The following ARHGEF7 variants were observed in gnomAD, a reference collection of about 807,000 sequenced individuals.
The protein encoded by ARHGEF7 is PAK-interacting exchange factor beta.
In ARHGEF7, 33 loss-of-function variants were observed where a neutral mutation model predicts 109.8. The observed-to-expected ratio is 0.30, with a 90% CI of 0.23 to 0.40. The LOEUF (loss-of-function observed/expected upper bound fraction) is 0.40. ARHGEF7 is among the 10% of genes least tolerant of loss of function. The pLI, the probability that ARHGEF7 is intolerant of heterozygous loss-of-function variation, is 1.00. For synonymous variants in ARHGEF7, 458 were observed against 424.6 expected (o/e 1.08, Z -0.97); for missense variants, 938 against 1,098.5 (o/e 0.85, Z 2.07).
At chr13:111,120,927 C>G (rs895828786) in intron 1 of ARHGEF7, among the ~76,000 whole-genome samples, 2 of 152,206 alleles carry the variant, frequency 1.3e-5, no homozygotes, top group African/African-American at 4.8e-5. Flanking sequence ...TCATGGAAAA[C>G]AAGACTGATT....
chr13:111,170,396 C>G (rs781517540), intron 2 of ARHGEF7, among the ~76,000 whole-genome samples: 1 of 152,236 alleles, frequency 6.6e-6, no homozygotes, highest in South Asian at 2.1e-4. Flanking sequence ...CCGTGCCTGG[C>G]GCAGTTAGTC....
chr13:111,241,790 G>A (rs538231202), intron 6 of ARHGEF7, among the ~76,000 whole-genome samples: 1 of 152,298 alleles, frequency 6.6e-6, no homozygotes, highest in East Asian at 1.9e-4. Context: ...GGTGTGCAGT[G>A]AGCAGTATTG....
intron 13 of ARHGEF7, 145 bp from the exon 14 acceptor site, chr13:111,280,127 C>T (rs979950004): frequency 8.0e-6 from 6 of 753,138 alleles, no homozygotes; most frequent in Non-Finnish European, 1.3e-5. Context: ...ATTATACACA[C>T]ATCTGCTACA....
At chr13:111,221,689 A>C in intron 5 of ARHGEF7, among the ~76,000 whole-genome samples, 1 of 124,984 alleles carries the variant, frequency 8.0e-6, no homozygotes, top group Admixed American at 8.7e-5. Flanking sequence ...CCCTTAATAA[A>C]CCCCTTGATA....
chr13:111,204,386 T>C (rs1566810144), intron 2 of ARHGEF7, among the ~76,000 whole-genome samples: 1 of 152,202 alleles, frequency 6.6e-6, no homozygotes, highest in Non-Finnish European at 1.5e-5. Flanking sequence ...CTGAAAGAAT[T>C]TTTTTCTTAA....
At chr13:111,161,670 A>G (rs1461372880) in intron 2 of ARHGEF7, among the ~76,000 whole-genome samples, 1 of 152,212 alleles carries the variant, frequency 6.6e-6, no homozygotes, top group African/African-American at 2.4e-5. Context: ...GCTATGTAAG[A>G]AGAAAATGAA....
chr13:111,290,777 C>T (rs2093248252), intron 18 of ARHGEF7, among the ~76,000 whole-genome samples: 1 of 152,172 alleles, frequency 6.6e-6, no homozygotes, highest in South Asian at 2.1e-4. Context: ...CACTCTGGGG[C>T]TTCAGGGAGC....
chr13:111,276,549 A>G (rs966258266), intron 12 of ARHGEF7, among the ~76,000 whole-genome samples: 4 of 152,204 alleles, frequency 2.6e-5, no homozygotes, highest in African/African-American at 4.8e-5. Context: ...GTTCTTTATA[A>G]TATTAGATCT....
In ARHGEF7 at chr13:111,300,925, G is replaced by T. The variant is rs1037967759; in HGVS notation, c.2411+78G>T. On this transcript the variant is annotated intron_variant, in intron 20 of 21. Transcript: ENST00000646102. ...AGTAGAGTCCAGACAACTCCCTGAG[G>T]GCGGGGGTATGGCTTCAGAAGCTTC... is the stretch of plus-strand genomic sequence containing the variant. 4 of 866,602 alleles carry T rather than the reference G, an allele frequency of 4.6e-6. No individual in the cohort carries two copies. The South Asian group carries it at 5.7e-5, about 12-fold the overall frequency. 53.7% of individuals were successfully genotyped at this position (866,602 alleles called of 1,614,324 possible). A position where few individuals can be genotyped will look rare whatever the true frequency, so the allele number is the denominator to read the frequency against.
Position 111,283,187 on chromosome 13 carries a change from C to T in ARHGEF7, c.1774C>T (p.Pro592Ser), listed in dbSNP as rs1443609836. The part of the protein sequence containing the change: ...TPSSKHADSK[P>S]APLTPAYHTL... ...GTCCAGCAAGCACGCAGACAGCAAGCCCGCGCCGCTGACGCCCGCCTACCA... is the reference window on the plus strand; with the variant it reads ...GTCCAGCAAGCACGCAGACAGCAAGTCCGCGCCGCTGACGCCCGCCTACCA... The change falls in exon 16 of 22, where the codon CCC (proline) becomes TCC (serine). Residue 592 changes from proline to serine, a missense_variant. Around this residue, in one of 4 missense-constraint regions of ARHGEF7, gnomAD observed 585 missense variants for 723.6 expected, o/e 0.81. Coordinates refer to ENST00000646102, the MANE Select transcript of ARHGEF7 (RefSeq NM_001354046.2). The T allele has an allele frequency of 1.5e-5, 24 of 1,597,332 alleles. No homozygotes were observed. The Admixed American group carries it at 4.0e-4, about 27-fold the overall frequency.
At chr13:111,173,730 T>C (rs932911988) in intron 2 of ARHGEF7, among the ~76,000 whole-genome samples, 2 of 151,968 alleles carry the variant, frequency 1.3e-5, no homozygotes, top group African/African-American at 4.8e-5. Context: ...CTCCCCACAT[T>C]GAATGGAGAT....
At chr13:111,153,659 G>C in intron 1 of ARHGEF7, 1 of 1,227,122 alleles carries the variant, frequency 8.1e-7, no homozygotes, top group Non-Finnish European at 1.0e-6. Flanking sequence ...TTCCGGCGCC[G>C]GGGCTCACTT....
intron 21 of ARHGEF7, among the ~76,000 whole-genome samples, chr13:111,302,596 C>T (rs2093595055): frequency 6.6e-6 from 1 of 152,198 alleles, no homozygotes. Flanking sequence ...GGTGCTCGCC[C>T]ACTTGCTCCT....
At chr13:111,238,160 C>T (rs1595057357) in intron 6 of ARHGEF7, among the ~76,000 whole-genome samples, 2 of 152,184 alleles carry the variant, frequency 1.3e-5, no homozygotes, top group African/African-American at 2.4e-5. Context: ...AGTCTGTTAG[C>T]TGTGCTTAGG....
intron 1 of ARHGEF7, among the ~76,000 whole-genome samples, chr13:111,118,021 T>C (rs1351253536): frequency 6.6e-6 from 1 of 152,278 alleles, no homozygotes; most frequent in Non-Finnish European, 1.5e-5. Context: ...CATGTGGACA[T>C]GACAGGGGCT....
At chr13:111,299,768 C>G (rs144607379) in intron 19 of ARHGEF7, among the ~76,000 whole-genome samples, 1 of 152,114 alleles carries the variant, frequency 6.6e-6, no homozygotes, top group Non-Finnish European at 1.5e-5. Context: ...AAGCAAAAGG[C>G]GGGCCAGAAG....
Position 111,304,104 on chromosome 13 carries a change from C to T in ARHGEF7, c.*991C>T, listed in dbSNP as rs768676820. 2 of 152,258 alleles carry T rather than the reference C, an allele frequency of 1.3e-5. No individual in the cohort carries two copies. The highest frequency in any genetic ancestry group is 6.5e-5 in the Admixed American group (1 of 15,288). The allele number at this position is 152,258 out of a possible 1,614,324, so 9.4% of individuals were successfully genotyped here. ...AGCCTCATCCCGAGGTCTCCTCCAC[C>T]ATTGGCCGTAGCCAGCAGGCTTCAG... On this transcript the variant is annotated 3_prime_UTR_variant, in exon 22 of 22. Coordinates refer to ENST00000646102, the MANE Select transcript of ARHGEF7 (RefSeq NM_001354046.2).
chr13:111,275,289 C>A (rs187816920), intron 11 of ARHGEF7, among the ~76,000 whole-genome samples: 18 of 152,286 alleles, frequency 1.2e-4, no homozygotes, highest in Admixed American at 3.9e-4. Context: ...TGTGCTCTAT[C>A]TTTCTAAAAT....
intron 9 of ARHGEF7, among the ~76,000 whole-genome samples, chr13:111,271,935 C>A (rs766946571): frequency 4.6e-5 from 7 of 152,126 alleles, no homozygotes; most frequent in Admixed American, 1.3e-4. Context: ...ACAGAGGTGC[C>A]GCACCCACAT....
Sources: gnomAD v4.1 joint callset for allele counts (sites outside exome capture counted in the v4.1 genomes callset) on GRCh38, gnomAD v4.1.1 for gene constraint, gnomAD v4.1.1 regional missense constraint, MANE v1.5 for transcripts, NCBI Gene and HGNC (gene_info 2026-07-23, HGNC 2026-07-21) for gene names.